DNAH11: variants seen among roughly 807,000 people sequenced by gnomAD.
DNAH11 encodes axonemal beta dynein heavy chain 11.
In DNAH11, 442 loss-of-function variants were observed where a neutral mutation model predicts 526.0. The ratio of observed to expected loss-of-function variants is 0.84; its 90% confidence interval spans 0.78 to 0.91. The LOEUF (loss-of-function observed/expected upper bound fraction) is 0.91. DNAH11 is among the 40% of genes least tolerant of loss of function. The pLI, the probability that DNAH11 is intolerant of heterozygous loss-of-function variation, is 0.00. For missense variants in DNAH11, 6,989 were observed against 5,448.7 expected, an observed-to-expected ratio of 1.28 and a Z score of -8.90; for synonymous variants, 2,461 against 1,935.9, an observed-to-expected ratio of 1.27 and a Z score of -7.12.
chr7:21,635,648 A>T (rs1013486617), intron 25 of DNAH11, among the ~76,000 whole-genome samples: 64 of 152,152 alleles, frequency 4.2e-4, no homozygotes, highest in African/African-American at 1.4e-3. Flanking sequence ...ACAGTTGCAT[A>T]TATTTATCTT....
Position 21,670,750 on chromosome 7 carries a change from T to G in DNAH11, c.5329-10796T>G, listed in dbSNP as rs149521712. 2.5e-3 allele frequency among the ~76,000 whole-genome samples: 387 copies of G among 152,320 alleles called. 1 individual carries two copies. The highest frequency in any genetic ancestry group is 8.9e-3 in the African/African-American group (371 of 41,578). On this transcript the variant is annotated intron_variant, in intron 30 of 81. Transcript: ENST00000409508. The stretch of plus-strand genomic sequence containing the variant: ...CATCTTAAATCAGCATTGAGCTTTC[T>G]CCAATCTCATGAGATGACCATGCCA...
chr7:21,685,272 G>A (rs974586335), intron 32 of DNAH11, among the ~76,000 whole-genome samples: 7 of 152,174 alleles, frequency 4.6e-5, no homozygotes, highest in Non-Finnish European at 7.3e-5. Context: ...TCTACCGTAC[G>A]CATGCCATTG....
chr7:21,849,148 G>A (rs1191357701), intron 66 of DNAH11, among the ~76,000 whole-genome samples: 1 of 152,156 alleles, frequency 6.6e-6, no homozygotes, highest in Non-Finnish European at 1.5e-5. Context: ...GCCTCCCAAA[G>A]TGCTGGGATT....
At chr7:21,771,434 C>T (rs1039135133) in intron 55 of DNAH11, among the ~76,000 whole-genome samples, 2 of 152,170 alleles carry the variant, frequency 1.3e-5, no homozygotes, top group Non-Finnish European at 2.9e-5. Context: ...AGAGACTACT[C>T]CTGCCCGAGA....
chr7:21,648,551 A>T (rs926340018), intron 28 of DNAH11, among the ~76,000 whole-genome samples: 8 of 152,186 alleles, frequency 5.3e-5, no homozygotes, highest in African/African-American at 1.9e-4. Context: ...CATCACACAC[A>T]TGAGAGAAGC....
chr7:21,597,676 G>A (rs967050502), intron 14 of DNAH11, among the ~76,000 whole-genome samples: 1 of 152,098 alleles, frequency 6.6e-6, no homozygotes, highest in African/African-American at 2.4e-5. Context: ...CAGGGAGTCT[G>A]CCCCCATGAT....
At position 21,582,030 on chromosome 7, in the gene DNAH11, T is replaced by C. The variant is rs1424952604; in HGVS notation, c.1710+9T>C. On this transcript the variant is annotated intron_variant, in intron 9 of 81. Transcript: ENST00000409508. ...TAGAAGCTGCATTTAAGGTTAGTTC[T>C]GAAGAAGCTATCATAAAAAACGTTT... 12 of 1,565,658 alleles carry C rather than the reference T, an allele frequency of 7.7e-6. No individual in the cohort carries two copies. The highest frequency in any genetic ancestry group is 1.1e-5 in the Non-Finnish European group (12 of 1,138,174).
intron 5 of DNAH11, among the ~76,000 whole-genome samples, chr7:21,561,827 G>A (rs1346446315): frequency 1.3e-5 from 2 of 152,154 alleles, no homozygotes; most frequent in Non-Finnish European, 1.5e-5. Flanking sequence ...GGATATACAT[G>A]ATACTGTGGT....
rs192777767 is a variant in DNAH11 at position 21,702,811 on chromosome 7, A to G, written c.6273+9A>G. On this transcript the variant is annotated intron_variant, in intron 37 of 81. Coordinates refer to ENST00000409508, the MANE Select transcript of DNAH11 (RefSeq NM_001277115.2). Reference sequence around the variant, plus strand: ...ATAGACCCGAAGATCAGGTACTGCAATGCTAATATGATTTTGTTGAGTGAG... The same window carrying G: ...ATAGACCCGAAGATCAGGTACTGCAGTGCTAATATGATTTTGTTGAGTGAG... The G allele has an allele frequency of 4.9e-4, 789 of 1,608,992 alleles. No homozygotes were observed. The highest frequency in any genetic ancestry group is 5.3e-4 in the Non-Finnish European group (626 of 1,176,712).
chr7:21,803,436 G>C (rs958607335), intron 62 of DNAH11, among the ~76,000 whole-genome samples: 4 of 152,122 alleles, frequency 2.6e-5, no homozygotes, highest in African/African-American at 9.7e-5. Flanking sequence ...TACACCTTCA[G>C]ATTCAAAGAG....
In DNAH11 at chr7:21,570,080, C is replaced by G; in HGVS notation, c.1206C>G (p.Tyr402Ter). ...CNLFINQATA[Y>*]LSPEDLLRGE... The stretch of plus-strand genomic sequence containing the variant: ...TCATTAAATCCTAGGCAACAGCTTA[C>G]CTTTCACCTGAGGACCTTTTGAGGG... Residue 402 changes from tyrosine to a stop codon, truncating the protein, a stop_gained, in exon 7 of 82, where the codon TAC becomes TAG. Coordinates refer to ENST00000409508, the MANE Select transcript of DNAH11 (RefSeq NM_001277115.2). LOFTEE classifies it high-confidence loss of function. 1 of 1,605,870 alleles carries G rather than the reference C, an allele frequency of 6.2e-7. No individual in the cohort carries two copies. Among genetic ancestry groups the G allele is most frequent in the Non-Finnish European group, 8.5e-7 (1 of 1,176,138 alleles).
chr7:21,550,687 T>G (rs1057507399), intron 2 of DNAH11, among the ~76,000 whole-genome samples: 2 of 152,196 alleles, frequency 1.3e-5, no homozygotes, highest in South Asian at 4.1e-4. Flanking sequence ...ATAATTCCCC[T>G]TAACACCCTT....
At chr7:21,860,595 G>A (rs12539840) in intron 68 of DNAH11, among the ~76,000 whole-genome samples, 56,700 of 152,056 alleles carry the variant, frequency 0.37, 10,716 homozygotes, top group African/African-American at 0.41. Context: ...TATCCGTGCA[G>A]TTGAATATTC....
intron 73 of DNAH11, among the ~76,000 whole-genome samples, chr7:21,869,315 C>G (rs1273090496): frequency 6.6e-6 from 1 of 152,108 alleles, no homozygotes; most frequent in Non-Finnish European, 1.5e-5. Context: ...AGATTGCTAA[C>G]AGTGTTATCA....
chr7:21,778,654 C>T (rs532160153), intron 56 of DNAH11, among the ~76,000 whole-genome samples: 31 of 152,230 alleles, frequency 2.0e-4, no homozygotes, highest in Non-Finnish European at 3.5e-4. Context: ...CAAAAGCAGA[C>T]GTGGGTAAAG....
At chr7:21,722,822 C>A (rs1396999715) in intron 44 of DNAH11, among the ~76,000 whole-genome samples, 1 of 150,260 alleles carries the variant, frequency 6.7e-6, no homozygotes, top group Non-Finnish European at 1.5e-5. Flanking sequence ...CCAGGTATTT[C>A]TTTCAATATT....
rs1487674374 is a variant in DNAH11 at position 21,750,030 on chromosome 7, G to A, written c.8798-192G>A. 7.2e-5 allele frequency among the ~76,000 whole-genome samples: 11 copies of A among 152,132 alleles called. No homozygotes were observed. The South Asian group carries it at 2.3e-3, about 31-fold the overall frequency. On this transcript the variant is annotated intron_variant, in intron 53 of 81. Transcript: ENST00000409508. The stretch of plus-strand genomic sequence containing the variant: ...ATTCTTACACGTACGGGTGTAGAGG[G>A]TGTGTTCACCATGGCTCGTCTTCAA...
intron 12 of DNAH11, among the ~76,000 whole-genome samples, chr7:21,590,578 T>G (rs972810813): frequency 6.6e-6 from 1 of 152,206 alleles, no homozygotes; most frequent in Non-Finnish European, 1.5e-5. Flanking sequence ...CCCTAAAATA[T>G]GTACAGAGAA....
At chr7:21,770,759 A>G (rs1011268658) in intron 55 of DNAH11, among the ~76,000 whole-genome samples, 9 of 152,228 alleles carry the variant, frequency 5.9e-5, no homozygotes, top group African/African-American at 1.7e-4. Flanking sequence ...GAAGAAGTAC[A>G]GGAGGGTATG....
Sources: gnomAD v4.1 joint callset for allele counts (sites outside exome capture counted in the v4.1 genomes callset) on GRCh38, gnomAD v4.1.1 for gene constraint, MANE v1.5 for transcripts, NCBI Gene and HGNC (gene_info 2026-07-23, HGNC 2026-07-21) for gene names.